RARS2: variants seen among roughly 807,000 people sequenced by gnomAD.
RARS2 encodes the protein probable arginine--tRNA ligase, mitochondrial.
Under a neutral mutation model 88.5 loss-of-function variants are expected in RARS2, and 67 were observed. That is an observed-to-expected ratio of 0.76 (90% confidence interval 0.62 to 0.93). RARS2 has a LOEUF of 0.93. RARS2 is among the 40% of genes least tolerant of loss of function. RARS2 has a pLI of 0.00. For missense variants in RARS2, 664 were observed against 684.2 expected (o/e 0.97, Z 0.33); for synonymous variants, 239 against 230.3 (o/e 1.04, Z -0.34).
intron 1 of RARS2, among the ~76,000 whole-genome samples, chr6:87,581,894 T>C (rs562818819): frequency 6.6e-6 from 1 of 152,278 alleles, no homozygotes; most frequent in East Asian, 1.9e-4. Context: ...AGAATAATGG[T>C]TTCTGGCTCC....
intron 1 of RARS2, among the ~76,000 whole-genome samples, chr6:87,578,487 G>A (rs748783870): frequency 3.3e-5 from 5 of 150,844 alleles, no homozygotes; most frequent in Admixed American, 6.6e-5. Context: ...AGAACTTTTC[G>A]CTTACCAAAC....
chr6:87,520,705 T>C lies in RARS2; in HGVS notation c.1036-449A>G, dbSNP rs895940544. ...CTACTGACACACAGGACAGCCTGGATAGTTCTCCAGGGCATTCATTATACT... is the reference window on the plus strand; with the variant it reads ...CTACTGACACACAGGACAGCCTGGACAGTTCTCCAGGGCATTCATTATACT... On this transcript the variant is annotated intron_variant, in intron 12 of 19. Transcript: ENST00000369536. Among the ~76,000 whole-genome samples the C allele has an allele frequency of 2.0e-5, 3 of 152,208 alleles. No individual in the cohort carries two copies. The East Asian group carries it at 5.8e-4, about 29-fold the overall frequency.
intron 12 of RARS2, among the ~76,000 whole-genome samples, chr6:87,520,876 C>T (rs1773605501): frequency 6.6e-6 from 1 of 152,072 alleles, no homozygotes. Flanking sequence ...AGTGGCTGAC[C>T]ACGAGGGAGT....
intron 9 of RARS2, among the ~76,000 whole-genome samples, chr6:87,529,922 C>A (rs1192597008): frequency 6.6e-6 from 1 of 151,942 alleles, no homozygotes; most frequent in African/African-American, 2.4e-5. Context: ...AATCACTCCT[C>A]TTCTCAAACC....
chr6:87,583,228 T>C (rs1256283617), intron 1 of RARS2, among the ~76,000 whole-genome samples: 4 of 152,338 alleles, frequency 2.6e-5, no homozygotes, highest in Non-Finnish European at 5.9e-5. Flanking sequence ...TATGGAGTTG[T>C]TGGTACTATT....
intron 4 of RARS2, among the ~76,000 whole-genome samples, chr6:87,562,163 AG>A (rs924325531): frequency 1.3e-5 from 2 of 152,112 alleles, no homozygotes; most frequent in Non-Finnish European, 2.9e-5. Flanking sequence ...ATATGCTGCC[AG>A]GGCTGGTCTT....
Position 87,564,112 on chromosome 6 carries a change from A to G in RARS2, c.213+18T>C, listed in dbSNP as rs1157332735. 1.9e-6 allele frequency: 3 copies of G among 1,545,986 alleles called. No individual in the cohort carries two copies. Among genetic ancestry groups the G allele is most frequent in the East Asian group, 2.2e-5 (1 of 44,520 alleles). ...AAGTTTATTACAATGTCAAAAAGAG[A>G]TAATAGTGCTAACGTACCTTCTCTG... On this transcript the variant is annotated intron_variant, in intron 3 of 19. Transcript: ENST00000369536.
chr6:87,589,749 C>T, intron 1 of RARS2, 173 bp downstream of exon 1: 3 of 985,232 alleles, frequency 3.0e-6, no homozygotes, highest in African/African-American at 1.7e-5. Flanking sequence ...AGCCGACGCT[C>T]CACAGGACTT....
chr6:87,524,159 A>G (rs16879510), intron 11 of RARS2, among the ~76,000 whole-genome samples: 9,688 of 152,200 alleles, frequency 0.064, 387 homozygotes, highest in African/African-American at 0.12. Context: ...CCAGAAATAA[A>G]GGTGCTGATA....
Position 87,518,830 on chromosome 6 carries a change from A to C in RARS2, c.1299T>G (p.Ile433Met), listed in dbSNP as rs1263316431. 1.2e-6 allele frequency: 2 copies of C among 1,614,060 alleles called. No individual in the cohort carries two copies. The highest frequency in any genetic ancestry group is 1.7e-6 in the Non-Finnish European group (2 of 1,179,930). Residue 433 changes from isoleucine (I) to methionine (M), a missense_variant, in exon 15 of 20, where the codon ATT becomes ATG. Coordinates refer to ENST00000369536, the MANE Select transcript of RARS2 (RefSeq NM_020320.5). ...GGTAGGAGTCTTAACAGACCTGAATAATGAGTGCTGCGAGCCCGACCCTCT... is the reference window on the plus strand; with the variant it reads ...GGTAGGAGTCTTAACAGACCTGAATCATGAGTGCTGCGAGCCCGACCCTCT... Reference protein sequence around the residue: ...TAERVGLAALIIQDFKGLLLS... With the variant: ...TAERVGLAALMIQDFKGLLLS...
rs975149738 is a variant in RARS2 at position 87,528,099 on chromosome 6, G to C, written c.878+1443C>G. On this transcript the variant is annotated intron_variant, in intron 10 of 19. Transcript: ENST00000369536. Reference sequence around the variant, plus strand: ...AAAAAGTGGGCCAAAGACCCGTATAGACATTTCTCCAAGGAAGGCATACAA... The same window carrying C: ...AAAAAGTGGGCCAAAGACCCGTATACACATTTCTCCAAGGAAGGCATACAA... Among the ~76,000 whole-genome samples, 45 of 151,294 alleles carry C rather than the reference G, an allele frequency of 3.0e-4. 3 individuals are homozygous for C. The highest frequency in any genetic ancestry group is 4.9e-5 in the African/African-American group (2 of 41,172).
chr6:87,523,712 C>A (rs1774734713), intron 11 of RARS2, among the ~76,000 whole-genome samples: 1 of 152,136 alleles, frequency 6.6e-6, no homozygotes, highest in South Asian at 2.1e-4. Flanking sequence ...AAAAAAGACA[C>A]TAACCAGACC....
chr6:87,580,937 C>T (rs1773295116), intron 1 of RARS2, among the ~76,000 whole-genome samples: 2 of 152,082 alleles, frequency 1.3e-5, no homozygotes, highest in Non-Finnish European at 2.9e-5. Context: ...CAATTCTAAA[C>T]TTTAGATTTA....
chr6:87,544,242 C>A (rs13211439), intron 7 of RARS2, among the ~76,000 whole-genome samples: 9,648 of 152,350 alleles, frequency 0.063, 385 homozygotes, highest in African/African-American at 0.12. Context: ...GCCTAGCCCT[C>A]TGACTACCAG....
At chr6:87,580,920 C>T (rs1165127201) in intron 1 of RARS2, among the ~76,000 whole-genome samples, 1 of 151,986 alleles carries the variant, frequency 6.6e-6, no homozygotes, top group Non-Finnish European at 1.5e-5. Flanking sequence ...TTACAATGTA[C>T]CAAGCACAAT....
At chr6:87,558,505 GC>G (rs1445878645) in intron 4 of RARS2, among the ~76,000 whole-genome samples, 1 of 152,138 alleles carries the variant, frequency 6.6e-6, no homozygotes, top group African/African-American at 2.4e-5. Context: ...CTATACCACT[GC>G]AAAAACAACA....
At chr6:87,526,094 A>G (rs1340045390) in intron 10 of RARS2, among the ~76,000 whole-genome samples, 4 of 152,210 alleles carry the variant, frequency 2.6e-5, no homozygotes, top group Admixed American at 1.3e-4. Flanking sequence ...ACCAAAAGCA[A>G]TCTACAGATT....
intron 1 of RARS2, among the ~76,000 whole-genome samples, chr6:87,587,404 C>T (rs1775495104): frequency 6.6e-6 from 1 of 152,112 alleles, no homozygotes; most frequent in Non-Finnish European, 1.5e-5. Flanking sequence ...TATTATTTAT[C>T]CTCAAGTTTC....
chr6:87,518,595 G>T, intron 16 of RARS2, 35 bp downstream of exon 16: 1 of 1,570,022 alleles, frequency 6.4e-7, no homozygotes, highest in Non-Finnish European at 8.8e-7. Flanking sequence ...AGTAAGCACA[G>T]TGCAGCACAA....
Sources: allele counts gnomAD v4.1 joint callset (sites outside exome capture counted in the v4.1 genomes callset), GRCh38; gene constraint gnomAD v4.1.1; transcripts MANE v1.5; gene names NCBI Gene and HGNC (gene_info 2026-07-23, HGNC 2026-07-21).